Variants in PCDHGB1 observed in about 807,000 individuals in gnomAD.
PCDHGB1 encodes the protein protocadherin gamma-B1.
Under a neutral mutation model 56.6 loss-of-function variants are expected in PCDHGB1, and 34 were observed. The ratio of observed to expected loss-of-function variants is 0.60; its 90% CI spans 0.46 to 0.80. PCDHGB1 has a LOEUF of 0.80. Among genes scored for constraint, PCDHGB1 ranks in the 30% least tolerant of loss-of-function variants. The pLI is 0.00. For missense variants in PCDHGB1, 1,278 were observed against 1,204.6 expected (o/e 1.06, Z -0.90); for synonymous variants, 561 against 505.9 (o/e 1.11, Z -1.46).
chr5:141,484,374 T>C (rs1261372490), intron 1 of PCDHGB1, among the ~76,000 whole-genome samples: 1 of 152,186 alleles, frequency 6.6e-6, no homozygotes, highest in Non-Finnish European at 1.5e-5. Context: ...CACTAGCAAA[T>C]GTCTGAATAA....
At chr5:141,403,226 C>T (rs1329726577) in intron 1 of PCDHGB1, 1 of 1,613,926 alleles carries the variant, frequency 6.2e-7, no homozygotes, top group South Asian at 1.1e-5. Flanking sequence ...TAGGATAGAC[C>T]GGGAGGAGCT....
chr5:141,471,124 A>C (rs2099250596), intron 1 of PCDHGB1, among the ~76,000 whole-genome samples: 1 of 141,916 alleles, frequency 7.0e-6, no homozygotes, highest in East Asian at 2.1e-4. Flanking sequence ...TCTTACCTTC[A>C]CTGCAACCTC....
At chr5:141,429,814 T>C (rs554065871) in intron 1 of PCDHGB1, among the ~76,000 whole-genome samples, 3 of 152,322 alleles carry the variant, frequency 2.0e-5, no homozygotes, top group African/African-American at 7.2e-5. Flanking sequence ...TAATTACAAT[T>C]AGGTCAGTTA....
In PCDHGB1 at chr5:141,450,141, G is replaced by A. The variant is rs762961199; in HGVS notation, c.2410-44666G>A. On this transcript the variant is annotated intron_variant, in intron 1 of 3. Transcript: ENST00000523390. ...CCTGCCTTAGCCTCCTGAGTAGCTG[G>A]GACTACAGGCATGTGCCACCACACT... Among the ~76,000 whole-genome samples, 401 of 151,622 alleles carry A rather than the reference G, an allele frequency of 2.6e-3. 1 individual carries two copies. The highest frequency in any genetic ancestry group is 3.8e-3 in the Non-Finnish European group (260 of 67,912).
chr5:141,498,578 G>T (rs1404493166), intron 2 of PCDHGB1, among the ~76,000 whole-genome samples: 1 of 152,048 alleles, frequency 6.6e-6, no homozygotes, highest in African/African-American at 2.4e-5. Flanking sequence ...CTAGTATTGA[G>T]TTCTTCAGTA....
At chr5:141,467,097 G>A (rs912875702) in intron 1 of PCDHGB1, among the ~76,000 whole-genome samples, 1 of 150,152 alleles carries the variant, frequency 6.7e-6, no homozygotes, top group Non-Finnish European at 1.5e-5. Context: ...CTGTCACACA[G>A]GCTGGAGTAC....
chr5:141,446,469 T>C (rs538381725), intron 1 of PCDHGB1, among the ~76,000 whole-genome samples: 2 of 149,740 alleles, frequency 1.3e-5, no homozygotes, highest in South Asian at 4.2e-4. Flanking sequence ...TGATTAGACA[T>C]ATGGTCATCA....
rs370127569 is a variant in PCDHGB1 at position 141,422,859 on chromosome 5, C to T, written c.2409+70190C>T. 1.4e-5 allele frequency: 22 copies of T among 1,614,148 alleles called. No homozygotes were observed. In the African/African-American group the frequency reaches 2.5e-4, roughly 19 times the overall value. ...GTGACAGCGGGGACCCGCCCCTCAG[C>T]AGCAACGTGTCGCTGAGCCTGTTCG... On this transcript the variant is annotated intron_variant, in intron 1 of 3. Transcript: ENST00000523390.
chr5:141,384,341 G>A (rs373965421), intron 1 of PCDHGB1: 3 of 1,613,758 alleles, frequency 1.9e-6, no homozygotes, highest in Admixed American at 1.7e-5. Context: ...GACCACGACA[G>A]TGAGGATAAT....
At chr5:141,373,899 T>C in intron 1 of PCDHGB1, 1 of 545,494 alleles carries the variant, frequency 1.8e-6, no homozygotes. Flanking sequence ...TCAAGTTACA[T>C]CCTCCAACAA....
intron 1 of PCDHGB1, chr5:141,371,021 C>T (rs1767401708): frequency 1.2e-6 from 2 of 1,614,026 alleles, no homozygotes; most frequent in South Asian, 2.2e-5. Flanking sequence ...CACATCACCA[C>T]CTGGTCCTCA....
In PCDHGB1 at chr5:141,485,778, G is replaced by A. The variant is rs575586552; in HGVS notation, c.2410-9029G>A. On this transcript the variant is annotated intron_variant, in intron 1 of 3. Coordinates refer to ENST00000523390, the MANE Select transcript of PCDHGB1 (RefSeq NM_018922.3). The surrounding 1 kb of genome is among the most constrained non-coding windows in gnomAD (Gnocchi z 5.7). ...CTGCTCCTGGAGAAGCCTTTGGATC[G>A]AGAGAAGCAATCGGACTACCGCCTG... is the stretch of plus-strand genomic sequence containing the variant. The A allele has an allele frequency of 1.2e-6, 2 of 1,614,216 alleles. No individual in the cohort carries two copies. Among genetic ancestry groups the A allele is most frequent in the Admixed American group, 1.7e-5 (1 of 60,028 alleles).
chr5:141,478,637 G>A (rs1227108157), intron 1 of PCDHGB1: 2 of 1,552,684 alleles, frequency 1.3e-6, no homozygotes, highest in Non-Finnish European at 1.7e-6. Context: ...TTTTAGTGAT[G>A]AAGATGTTTT....
rs761350249 is a variant in PCDHGB1 at position 141,418,909 on chromosome 5, G to A, written c.2409+66240G>A. Reference sequence around the variant, plus strand: ...ACAACAGCCCAGAAATAATCATCACGTCACTCTCTGATCAGATTATGGAGG... The same window carrying A: ...ACAACAGCCCAGAAATAATCATCACATCACTCTCTGATCAGATTATGGAGG... On this transcript the variant is annotated intron_variant, in intron 1 of 3. Coordinates refer to ENST00000523390, the MANE Select transcript of PCDHGB1 (RefSeq NM_018922.3). The A allele has an allele frequency of 1.9e-6, 3 of 1,613,906 alleles. No homozygotes were observed. In the Admixed American group the frequency reaches 5.0e-5, roughly 27 times the overall value.
chr5:141,402,710 C>T (rs2094297033), intron 1 of PCDHGB1, among the ~76,000 whole-genome samples: 1 of 152,092 alleles, frequency 6.6e-6, no homozygotes, highest in African/African-American at 2.4e-5. Context: ...GGTGTAGTAA[C>T]GGCTTAGGAC....
chr5:141,462,253 A>C (rs7717600), intron 1 of PCDHGB1, among the ~76,000 whole-genome samples: 42,489 of 152,124 alleles, frequency 0.28, 6,669 homozygotes, highest in African/African-American at 0.43. Context: ...AGCCACCATG[A>C]CCAGCCTAAA....
intron 1 of PCDHGB1, chr5:141,355,493 G>A (rs1256895826): frequency 6.2e-7 from 1 of 1,613,954 alleles, no homozygotes; most frequent in Admixed American, 1.7e-5. Flanking sequence ...CTCTGCGACA[G>A]ATCTCCAAAC....
intron 1 of PCDHGB1, among the ~76,000 whole-genome samples, chr5:141,456,640 TG>T (rs1258175023): frequency 6.6e-6 from 1 of 152,130 alleles, no homozygotes; most frequent in Non-Finnish European, 1.5e-5. Flanking sequence ...TTACTACAGG[TG>T]TTAATCCCAA....
chr5:141,450,842 T>TTTTTA, intron 1 of PCDHGB1, among the ~76,000 whole-genome samples: 1 of 148,196 alleles, frequency 6.7e-6, no homozygotes, highest in African/African-American at 2.5e-5. Context: ...TTTTTTTTTT[T>TTTTTA]GAGATGGGGT....
Sources: gnomAD v4.1 joint callset for allele counts (sites outside exome capture counted in the v4.1 genomes callset) on GRCh38, gnomAD v4.1.1 for gene constraint, Gnocchi (gnomAD v3.1) non-coding constraint, MANE v1.5 for transcripts, NCBI Gene and HGNC (gene_info 2026-07-23, HGNC 2026-07-21) for gene names.